The following RANBP2 variants were observed in gnomAD, a reference collection of about 807,000 sequenced individuals.
The protein encoded by RANBP2 is E3 SUMO-protein ligase RanBP2.
A neutral mutation model predicts 303.6 loss-of-function variants in RANBP2; 57 were observed. That is an observed-to-expected ratio of 0.19 (90% CI 0.15 to 0.23). The LOEUF is 0.23. Ranked by LOEUF, RANBP2 falls within the 10% of genes least tolerant of loss-of-function variation. RANBP2 has a pLI of 1.00. For missense variants in RANBP2, 3,138 were observed against 3,780.8 expected, an observed-to-expected ratio of 0.83 and a Z score of 4.46; for synonymous variants, 1,167 against 1,301.5, an observed-to-expected ratio of 0.90 and a Z score of 2.23.
the RANBP2 span, among the ~76,000 whole-genome samples, chr2:109,644,305 CA>C: frequency 6.7e-5 from 10 of 148,940 alleles, 1 homozygote; most frequent in South Asian, 6.4e-4. Flanking sequence ...AGACTCGTCT[CA>C]AAAAAAAAAT....
chr2:109,598,086 G>A, the RANBP2 span, among the ~76,000 whole-genome samples: 2 of 152,036 alleles, frequency 1.3e-5, no homozygotes, highest in Non-Finnish European at 2.9e-5. Context: ...TTTTGAGATG[G>A]AGTCTTGCTC....
At chr2:109,705,698 G>A in the RANBP2 span, among the ~76,000 whole-genome samples, 1 of 152,230 alleles carries the variant, frequency 6.6e-6, no homozygotes, top group Non-Finnish European at 1.5e-5. Flanking sequence ...TGGGCCTCAG[G>A]CAGAGCCATT....
the RANBP2 span, among the ~76,000 whole-genome samples, chr2:109,438,798 T>A: frequency 6.6e-6 from 1 of 152,174 alleles, no homozygotes; most frequent in Non-Finnish European, 1.5e-5. Flanking sequence ...CCCTGACTGG[T>A]CAGAGGCAGC....
chr2:109,279,920 TG>T, the RANBP2 span, among the ~76,000 whole-genome samples: 1 of 149,544 alleles, frequency 6.7e-6, no homozygotes, highest in Admixed American at 6.7e-5. Context: ...GGGAGGTAAT[TG>T]GGGGGCGGTA....
the RANBP2 span, among the ~76,000 whole-genome samples, chr2:109,217,092 C>T: frequency 3.9e-5 from 6 of 152,330 alleles, no homozygotes; most frequent in African/African-American, 1.2e-4. Flanking sequence ...ATTCATGCTG[C>T]AGTGTGTGTC....
the RANBP2 span, among the ~76,000 whole-genome samples, chr2:109,416,569 G>A: frequency 6.6e-6 from 1 of 151,874 alleles, no homozygotes; most frequent in African/African-American, 2.4e-5. Context: ...ATTTTTAGTA[G>A]AGACGGGGTT....
the RANBP2 span, among the ~76,000 whole-genome samples, chr2:109,231,242 C>G: frequency 6.6e-6 from 1 of 152,256 alleles, no homozygotes; most frequent in African/African-American, 2.4e-5. Context: ...GTTTCCTGCT[C>G]TAATTACTGC....
the RANBP2 span, among the ~76,000 whole-genome samples, chr2:108,804,507 A>C: frequency 6.6e-6 from 1 of 152,202 alleles, no homozygotes; most frequent in Non-Finnish European, 1.5e-5. Context: ...ACACTTTATA[A>C]AGCCATAAAT....
the RANBP2 span, among the ~76,000 whole-genome samples, chr2:109,445,523 G>T: frequency 1.3e-5 from 2 of 152,186 alleles, no homozygotes; most frequent in Non-Finnish European, 2.9e-5. Flanking sequence ...TAAGTGTAAA[G>T]AAAAATGGGA....
the RANBP2 span, among the ~76,000 whole-genome samples, chr2:109,119,758 C>T: frequency 6.6e-6 from 1 of 152,142 alleles, no homozygotes; most frequent in Non-Finnish European, 1.5e-5. Context: ...AAAACAGAGA[C>T]AACTGCAGGA....
At chr2:109,460,920 T>A in the RANBP2 span, among the ~76,000 whole-genome samples, 1 of 152,216 alleles carries the variant, frequency 6.6e-6, no homozygotes, top group East Asian at 1.9e-4. Flanking sequence ...AGAGAGGGGC[T>A]GCAGTGCTGC....
At chr2:108,807,441 G>A in the RANBP2 span, among the ~76,000 whole-genome samples, 1 of 152,112 alleles carries the variant, frequency 6.6e-6, no homozygotes, top group Non-Finnish European at 1.5e-5. Flanking sequence ...ATACAGTAAT[G>A]TGTAATGATC....
chr2:108,911,848 G>A, the RANBP2 span, among the ~76,000 whole-genome samples: 1 of 152,328 alleles, frequency 6.6e-6, no homozygotes, highest in African/African-American at 2.4e-5. Context: ...TGTGGGCGCT[G>A]AGCCTCCCCT....
At chr2:109,012,721 T>C in the RANBP2 span, among the ~76,000 whole-genome samples, 7 of 152,180 alleles carry the variant, frequency 4.6e-5, no homozygotes, top group African/African-American at 4.8e-5. Context: ...GAGACCATCC[T>C]GGCCAACACG....
At chr2:109,273,314 T>C in the RANBP2 span, among the ~76,000 whole-genome samples, 3 of 152,224 alleles carry the variant, frequency 2.0e-5, no homozygotes, top group Non-Finnish European at 4.4e-5. Flanking sequence ...GGCAGAGTCT[T>C]CCTGAGCTTG....
Position 108,752,989 on chromosome 2 carries a change from C to A in RANBP2, c.1756-9C>A, listed in dbSNP as rs1424328644. 2 of 1,607,518 alleles carry A rather than the reference C, an allele frequency of 1.2e-6. No individual in the cohort carries two copies. Among genetic ancestry groups the A allele is most frequent in the South Asian group, 1.1e-5 (1 of 90,098 alleles). ...CTTAAAGTTGTGTGCTTTTAACTTT[C>A]TTTTTTAGGGCAGCGGTCTTAATTC... is the stretch of plus-strand genomic sequence containing the variant. On this transcript the variant is annotated splice_polypyrimidine_tract_variant and intron_variant, in intron 12 of 28. Transcript: ENST00000283195.
the RANBP2 span, among the ~76,000 whole-genome samples, chr2:109,413,479 C>T: frequency 6.6e-6 from 1 of 152,072 alleles, no homozygotes; most frequent in Admixed American, 6.6e-5. Context: ...TTTTTCCTGC[C>T]CTGTCTCTGT....
At chr2:109,348,004 AG>A in the RANBP2 span, 5 of 1,539,268 alleles carry the variant, frequency 3.2e-6, no homozygotes, top group Admixed American at 2.0e-5. Context: ...TGTGCCACCC[AG>A]GGCTCTTCCC....
At chr2:109,582,938 T>C in the RANBP2 span, among the ~76,000 whole-genome samples, 2 of 152,204 alleles carry the variant, frequency 1.3e-5, no homozygotes, top group African/African-American at 4.8e-5. Flanking sequence ...AAGGACTCTC[T>C]ATTCAATAAA....
Sources: allele counts gnomAD v4.1 joint callset (sites outside exome capture counted in the v4.1 genomes callset), GRCh38; gene constraint gnomAD v4.1.1; transcripts MANE v1.5; gene names NCBI Gene and HGNC (gene_info 2026-07-23, HGNC 2026-07-21).